The following PITPNC1 variants were observed in gnomAD, a reference collection of about 807,000 sequenced individuals.
PITPNC1 encodes cytoplasmic phosphatidylinositol transfer protein 1.
In PITPNC1, 18 loss-of-function variants were observed where a neutral mutation model predicts 44.7. That is an observed-to-expected ratio of 0.40 (90% CI 0.28 to 0.60). PITPNC1 has a LOEUF of 0.60. Ranked by LOEUF, PITPNC1 falls within the 20% of genes least tolerant of loss-of-function variation. The pLI is 0.39. For synonymous variants in PITPNC1, 141 were observed against 149.6 expected, an observed-to-expected ratio of 0.94 and a Z score of 0.42; for missense variants, 290 against 418.4, an observed-to-expected ratio of 0.69 and a Z score of 2.68.
chr17:67,470,741 G>A (rs2144000888), intron 1 of PITPNC1, among the ~76,000 whole-genome samples: 1 of 152,210 alleles, frequency 6.6e-6, no homozygotes, highest in Non-Finnish European at 1.5e-5. Flanking sequence ...GATGACAATG[G>A]CGGCTTTGTG....
chr17:67,498,856 G>GTT (rs762263636), intron 1 of PITPNC1, among the ~76,000 whole-genome samples: 13 of 136,858 alleles, frequency 9.5e-5, no homozygotes, highest in South Asian at 4.7e-4. Context: ...TATCTTCTTT[G>GTT]TTTTTTTTTT....
Position 67,694,724 on chromosome 17 carries a change from T to G in PITPNC1, c.*1836T>G, listed in dbSNP as rs1262667265. 1.3e-5 allele frequency: 2 copies of G among 152,220 alleles called. No individual in the cohort carries two copies. The highest frequency in any genetic ancestry group is 2.9e-5 in the Non-Finnish European group (2 of 68,044). The allele number at this position is 152,220 out of a possible 1,614,324, so 9.4% of individuals were successfully genotyped here. A position where few individuals can be genotyped will look rare whatever the true frequency, so the allele number is the denominator to read the frequency against. On this transcript the variant is annotated 3_prime_UTR_variant, in exon 9 of 9. Transcript: ENST00000581322. ...ATGATAGTATCTTAGTAAGACACCT[T>G]CTATGCATGGTATGGAAGCATGATT...
At chr17:67,452,931 G>A (rs1190349857) in intron 1 of PITPNC1, among the ~76,000 whole-genome samples, 3 of 152,116 alleles carry the variant, frequency 2.0e-5, no homozygotes, top group Admixed American at 6.5e-5. Flanking sequence ...GGTATTATCC[G>A]TCTTTTGTTT....
At chr17:67,539,331 C>A (rs1598797295) in intron 2 of PITPNC1, among the ~76,000 whole-genome samples, 1 of 152,146 alleles carries the variant, frequency 6.6e-6, no homozygotes, top group African/African-American at 2.4e-5. Flanking sequence ...TAGAAAAATT[C>A]TTGCACTGTA....
At chr17:67,448,357 G>A (rs1480738592) in intron 1 of PITPNC1, among the ~76,000 whole-genome samples, 1 of 152,090 alleles carries the variant, frequency 6.6e-6, no homozygotes, top group African/African-American at 2.4e-5. Flanking sequence ...GTGGATGTGG[G>A]GGTTCTTCTA....
chr17:67,430,142 G>T (rs78177351), intron 1 of PITPNC1, among the ~76,000 whole-genome samples: 1 of 152,202 alleles, frequency 6.6e-6, no homozygotes, highest in Non-Finnish European at 1.5e-5. Flanking sequence ...TTCTGAATGC[G>T]CAGGAGTTTA....
At chr17:67,599,064 G>A (rs1191606359) in intron 5 of PITPNC1, among the ~76,000 whole-genome samples, 1 of 94,640 alleles carries the variant, frequency 1.1e-5, no homozygotes, top group Non-Finnish European at 2.1e-5. Context: ...TACCATGTTG[G>A]CCAGGCTGGT....
intron 1 of PITPNC1, among the ~76,000 whole-genome samples, chr17:67,414,882 T>G (rs1048544543): frequency 3.3e-5 from 5 of 152,134 alleles, no homozygotes; most frequent in African/African-American, 1.2e-4. Context: ...TCTCTCTTTT[T>G]TATTTTTATT....
chr17:67,391,351 A>G (rs558083224), intron 1 of PITPNC1, among the ~76,000 whole-genome samples: 2 of 151,888 alleles, frequency 1.3e-5, no homozygotes, highest in South Asian at 2.1e-4. Flanking sequence ...ATGTCATCTT[A>G]CACACACACA....
chr17:67,401,799 C>T (rs1316667750), intron 1 of PITPNC1, among the ~76,000 whole-genome samples: 11 of 151,638 alleles, frequency 7.3e-5, no homozygotes, highest in Admixed American at 5.3e-4. Context: ...GCCGGGATTG[C>T]GCCACTGCAC....
At chr17:67,514,800 T>C (rs2040236841) in intron 1 of PITPNC1, among the ~76,000 whole-genome samples, 1 of 152,076 alleles carries the variant, frequency 6.6e-6, no homozygotes, top group African/African-American at 2.4e-5. Flanking sequence ...CACTCCAGCC[T>C]GGGTGACAGA....
intron 1 of PITPNC1, among the ~76,000 whole-genome samples, chr17:67,503,635 GTATCC>G (rs1210195036): frequency 6.6e-6 from 1 of 152,202 alleles, no homozygotes; most frequent in African/African-American, 2.4e-5. Context: ...CGATTACCCA[GTATCC>G]TAATGGGGTA....
intron 1 of PITPNC1, among the ~76,000 whole-genome samples, chr17:67,526,215 G>A (rs2040389964): frequency 6.6e-6 from 1 of 152,190 alleles, no homozygotes; most frequent in Non-Finnish European, 1.5e-5. Context: ...AGGGTAGGGG[G>A]TTATGGAGGC....
chr17:67,419,425 A>C (rs958510641), intron 1 of PITPNC1, among the ~76,000 whole-genome samples: 5 of 152,072 alleles, frequency 3.3e-5, no homozygotes, highest in African/African-American at 1.2e-4. Context: ...AGGCTCGAGG[A>C]TCCTTCTCCG....
In PITPNC1 at chr17:67,418,471, A is replaced by G. The variant is rs114623075; in HGVS notation, c.48+40269A>G. 4.6e-3 allele frequency among the ~76,000 whole-genome samples: 693 copies of G among 152,258 alleles called. 7 individuals carry two copies. The highest frequency in any genetic ancestry group is 0.016 in the African/African-American group (669 of 41,554). ...TTTCATTCTTTGGGTAGGTAGGTAG[A>G]TTTCTCCATGTTCTGTGAAACTGTG... On this transcript the variant is annotated intron_variant, in intron 1 of 8. Transcript: ENST00000581322.
intron 8 of PITPNC1, among the ~76,000 whole-genome samples, chr17:67,686,612 A>G (rs762936229): frequency 3.9e-5 from 6 of 152,100 alleles, no homozygotes; most frequent in Non-Finnish European, 5.9e-5. Flanking sequence ...TGCCTCCTAT[A>G]ACAGCAATGA....
chr17:67,654,371 A>G (rs2042240906), intron 6 of PITPNC1, among the ~76,000 whole-genome samples: 1 of 152,240 alleles, frequency 6.6e-6, no homozygotes, highest in Non-Finnish European at 1.5e-5. Flanking sequence ...TGAGATGATC[A>G]GCATTTTTCT....
intron 1 of PITPNC1, among the ~76,000 whole-genome samples, chr17:67,454,283 A>T (rs1366904397): frequency 6.6e-6 from 1 of 151,736 alleles, no homozygotes; most frequent in East Asian, 1.9e-4. Flanking sequence ...AAAAGAGGAC[A>T]GGCTCTAGGG....
At chr17:67,604,635 T>C (rs2041585698) in intron 5 of PITPNC1, among the ~76,000 whole-genome samples, 1 of 151,320 alleles carries the variant, frequency 6.6e-6, no homozygotes, top group Admixed American at 6.6e-5. Context: ...ATACAAAAAT[T>C]AGCCAGGCGT....
Sources: allele counts gnomAD v4.1 joint callset (sites outside exome capture counted in the v4.1 genomes callset), GRCh38; gene constraint gnomAD v4.1.1; transcripts MANE v1.5; gene names NCBI Gene and HGNC (gene_info 2026-07-23, HGNC 2026-07-21).